The following NWD1 variants were observed in gnomAD, a reference collection of about 807,000 sequenced individuals.
The protein encoded by NWD1 is NACHT domain- and WD repeat-containing protein 1.
Under a neutral mutation model 135.1 loss-of-function variants are expected in NWD1, and 129 were observed. That is an observed-to-expected ratio of 0.96 (90% CI 0.83 to 1.11). The LOEUF (loss-of-function observed/expected upper bound fraction) is 1.11. NWD1 is among the 50% of genes least tolerant of loss of function. The pLI is 0.00. For missense variants in NWD1, 1,740 were observed against 1,851.3 expected, an observed-to-expected ratio of 0.94 and a Z score of 1.10; for synonymous variants, 773 against 786.0, an observed-to-expected ratio of 0.98 and a Z score of 0.28.
At position 16,750,253 on chromosome 19, in the gene NWD1, G is replaced by C; in HGVS notation, c.1611G>C (p.Arg537Ser). The C allele has an allele frequency of 6.2e-7, 1 of 1,613,624 alleles. No individual in the cohort carries two copies. Among genetic ancestry groups the C allele is most frequent in the Non-Finnish European group, 8.5e-7 (1 of 1,179,886 alleles). Reference protein sequence around the residue: ...LPECGNPGRLRLAFEEARKWA... With the variant: ...LPECGNPGRLSLAFEEARKWA... ...AGTGTGGGAACCCAGGGCGGCTGAG[G>C]CTGGCGTTTGAGGAAGCCCGGAAAT... The change falls in exon 6 of 19, where the codon AGG becomes AGC. Residue 537 changes from arginine to serine, a missense_variant. Physicochemically the swap from Arg to Ser is moderately radical, Grantham distance 110 (BLOSUM62 -1). Transcript: ENST00000524140.
chr19:16,815,372 G>C lies in NWD1; in HGVS notation c.*333G>C. On this transcript the variant is annotated 3_prime_UTR_variant, in exon 19 of 19. Coordinates refer to ENST00000524140, the MANE Select transcript of NWD1 (RefSeq NM_001007525.5). ...AACCCTGTGGGGGTATGGGGCTCCA[G>C]TGAGTTAGCCCCATTTAATCTAGTT... 1.5e-6 allele frequency: 1 copy of C among 676,584 alleles called. No homozygotes were observed. 41.9% of individuals were successfully genotyped at this position (676,584 alleles called of 1,614,324 possible).
At chr19:16,787,360 T>A (rs115363537) in intron 12 of NWD1, among the ~76,000 whole-genome samples, 242 of 152,258 alleles carry the variant, frequency 1.6e-3, no homozygotes, top group African/African-American at 5.3e-3. Flanking sequence ...GTTGCCCCTT[T>A]TTTACGTGGT....
At chr19:16,778,494 C>CTTCTTTTTT (rs200410922) in intron 11 of NWD1, among the ~76,000 whole-genome samples, 15 of 107,568 alleles carry the variant, frequency 1.4e-4, no homozygotes, top group African/African-American at 6.2e-4. Context: ...TCTTCTTCTT[C>CTTCTTTTTT]TTTTTTTTTT....
chr19:16,763,940 T>C lies in NWD1; in HGVS notation c.2246T>C (p.Val749Ala), dbSNP rs774306265. 1 of 1,601,676 alleles carries C rather than the reference T, an allele frequency of 6.2e-7. No individual in the cohort carries two copies. The highest frequency in any genetic ancestry group is 2.2e-5 in the East Asian group (1 of 44,792). Residue 749 changes from valine (V) to alanine (A), a missense_variant, in exon 9 of 19, where the codon GTT becomes GCT. Coordinates refer to ENST00000524140, the MANE Select transcript of NWD1 (RefSeq NM_001007525.5). ...SGRLEELKQE[V>A]LGSMSWISCR... ...CGCCTGGAGGAGCTGAAACAGGAGG[T>C]TCTGGGTAAGGGCTGCCCCCCATCT...
At chr19:16,765,273 C>A in intron 10 of NWD1, 81 bp downstream of exon 10, 1 of 1,353,104 alleles carries the variant, frequency 7.4e-7, no homozygotes, top group Non-Finnish European at 1.0e-6. Context: ...GAGTCATGAG[C>A]TGGATTTTCA....
chr19:16,731,213 C>T lies in NWD1; in HGVS notation c.16C>T (p.Pro6Ser). The change falls in exon 3 of 19, where the codon CCC becomes TCC. Residue 6 changes from proline to serine, a missense_variant. Coordinates refer to ENST00000524140, the MANE Select transcript of NWD1 (RefSeq NM_001007525.5). MQRGK[P>S]CRALPTLKCQ... ...GCAGATATGGATGCAGAGAGGGAAG[C>T]CCTGCAGAGCACTGCCTACCCTGAA... 6.5e-7 allele frequency: 1 copy of T among 1,532,874 alleles called. No individual in the cohort carries two copies. Among genetic ancestry groups the T allele is most frequent in the Non-Finnish European group, 8.7e-7 (1 of 1,143,910 alleles). The allele number at this position is 1,532,874 out of a possible 1,614,324, so 95.0% of individuals were successfully genotyped here.
At chr19:16,808,514 C>T (rs1970825723) in intron 18 of NWD1, among the ~76,000 whole-genome samples, 1 of 151,444 alleles carries the variant, frequency 6.6e-6, no homozygotes, top group Admixed American at 6.6e-5. Context: ...CACGCCACTG[C>T]ACTCCAGCCT....
At chr19:16,743,395 T>C (rs1007669674) in intron 4 of NWD1, among the ~76,000 whole-genome samples, 4 of 151,774 alleles carry the variant, frequency 2.6e-5, no homozygotes, top group African/African-American at 9.7e-5. Context: ...TTTTTATAGA[T>C]ATGGGGTCTC....
intron 18 of NWD1, chr19:16,812,820 C>T (rs758868707): frequency 3.6e-5 from 28 of 780,936 alleles, no homozygotes; most frequent in South Asian, 1.3e-4. Context: ...CTTAAAGGAT[C>T]GCTCTATACT....
At chr19:16,742,665 G>C (rs1311419746) in intron 4 of NWD1, among the ~76,000 whole-genome samples, 2 of 151,712 alleles carry the variant, frequency 1.3e-5, no homozygotes, top group African/African-American at 4.8e-5. Context: ...CTTAATTATC[G>C]AGATAAATTG....
At chr19:16,728,353 G>C in intron 2 of NWD1, among the ~76,000 whole-genome samples, 1 of 143,582 alleles carries the variant, frequency 7.0e-6, no homozygotes, top group East Asian at 2.1e-4. Context: ...GGTGCGATCT[G>C]GACTCACTAT....
rs138983442 is a variant in NWD1 at position 16,759,271 on chromosome 19, G to A, written c.1816G>A (p.Asp606Asn). 8.1e-5 allele frequency: 131 copies of A among 1,614,182 alleles called. No individual in the cohort carries two copies. In the African/African-American group the frequency reaches 1.7e-3, roughly 20 times the overall value. ...AELKDVLSLD[D>N]EVLQDVYRDW... ...GCTGAAGGATGTTTTGTCCCTGGAC[G>A]ACGAGGTCCTGCAGGATGTGTACCG... is the stretch of plus-strand genomic sequence containing the variant. Residue 606 changes from aspartate to asparagine, a missense_variant, in exon 7 of 19, where the codon GAC (aspartate) becomes AAC (asparagine). Physicochemically the swap from Asp to Asn is conservative, Grantham distance 23. Coordinates refer to ENST00000524140, the MANE Select transcript of NWD1 (RefSeq NM_001007525.5).
chr19:16,803,349 C>G (rs1970659105), intron 17 of NWD1, among the ~76,000 whole-genome samples: 1 of 152,088 alleles, frequency 6.6e-6, no homozygotes, highest in South Asian at 2.1e-4. Context: ...CAGGCCCCAG[C>G]TCCTAATACC....
At position 16,816,770 on chromosome 19, in the gene NWD1, T is replaced by C. The variant is rs1410158069; in HGVS notation, c.*1731T>C. The C allele has an allele frequency of 6.6e-6, 1 of 152,208 alleles. No homozygotes were observed. The highest frequency in any genetic ancestry group is 1.5e-5 in the Non-Finnish European group (1 of 68,032). 9.4% of individuals were successfully genotyped at this position (152,208 alleles called of 1,614,324 possible). On this transcript the variant is annotated 3_prime_UTR_variant, in exon 19 of 19. Coordinates refer to ENST00000524140, the MANE Select transcript of NWD1 (RefSeq NM_001007525.5). ...AAAAGCAACCTTAGAAACAGAGGCT[T>C]TTGAGCTGAACAAGACCCTACTGCT...
At chr19:16,751,659 G>C (rs1000266497) in intron 6 of NWD1, among the ~76,000 whole-genome samples, 1 of 151,822 alleles carries the variant, frequency 6.6e-6, no homozygotes, top group East Asian at 1.9e-4. Context: ...AAATTAGCCC[G>C]GCATGGTGGC....
intron 2 of NWD1, among the ~76,000 whole-genome samples, chr19:16,728,711 G>A (rs928778461): frequency 1.3e-5 from 2 of 151,848 alleles, no homozygotes; most frequent in Non-Finnish European, 2.9e-5. Flanking sequence ...TTGGGAGGCC[G>A]AGGCGGGCGA....
chr19:16,737,768 T>C (rs966307607), intron 4 of NWD1, among the ~76,000 whole-genome samples: 6 of 151,640 alleles, frequency 4.0e-5, no homozygotes, highest in Admixed American at 2.0e-4. Flanking sequence ...AGTCAGGAGA[T>C]TGAGACCAGC....
chr19:16,744,516 A>G lies in NWD1; in HGVS notation c.294A>G (p.Pro98=). 6.5e-7 allele frequency: 1 copy of G among 1,536,094 alleles called. No homozygotes were observed. Among genetic ancestry groups the G allele is most frequent in the Non-Finnish European group, 8.7e-7 (1 of 1,146,874 alleles). The change falls in exon 5 of 19, where the codon CCA becomes CCG. Residue 98 remains proline, a synonymous_variant. Coordinates refer to ENST00000524140, the MANE Select transcript of NWD1 (RefSeq NM_001007525.5). ...TGAGGGACCATCTGACTGCCAGGCC[A>G]AGTGACCTGGAGCTGGTGGCACGAT... ...EVLRDHLTAR[P]SDLELVARYF... is the part of the protein sequence containing the mutation.
intron 6 of NWD1, among the ~76,000 whole-genome samples, chr19:16,753,313 A>G (rs1968650607): frequency 6.6e-6 from 1 of 152,198 alleles, no homozygotes; most frequent in African/African-American, 2.4e-5. Context: ...GGAGACAGAA[A>G]TCAAATGGCC....
Sources: allele counts gnomAD v4.1 joint callset (sites outside exome capture counted in the v4.1 genomes callset), GRCh38; gene constraint gnomAD v4.1.1; transcripts MANE v1.5; gene names NCBI Gene and HGNC (gene_info 2026-07-23, HGNC 2026-07-21).